RNF170: variants seen among roughly 807,000 people sequenced by gnomAD.
The protein encoded by RNF170 is E3 ubiquitin-protein ligase RNF170.
In RNF170, 12 loss-of-function variants were observed where a neutral mutation model predicts 32.7. That is an observed-to-expected ratio of 0.37 (90% CI 0.24 to 0.60). The LOEUF (loss-of-function observed/expected upper bound fraction) is 0.60, where lower values mean the gene tolerates loss of function less well. Among genes scored for constraint, RNF170 ranks in the 20% least tolerant of loss-of-function variants. RNF170 has a pLI of 0.72. For synonymous variants in RNF170, 91 were observed against 103.6 expected, an observed-to-expected ratio of 0.88 and a Z score of 0.74; for missense variants, 212 against 311.2, an observed-to-expected ratio of 0.68 and a Z score of 2.40.
upstream of RNF170, chr8:42,897,108 C>A: frequency 1.6e-6 from 2 of 1,240,894 alleles, no homozygotes; most frequent in Non-Finnish European, 2.0e-6. Flanking sequence ...AGGCGGTAGG[C>A]GCTGCCTGGC....
intron 2 of RNF170, among the ~76,000 whole-genome samples, chr8:42,884,303 C>T (rs1805638402): frequency 6.6e-6 from 1 of 151,876 alleles, no homozygotes; most frequent in African/African-American, 2.4e-5. Flanking sequence ...AGGCTGGTCT[C>T]GAACTCCTGA....
chr8:42,855,043 A>G lies in RNF170; in HGVS notation c.*1116T>C. On this transcript the variant is annotated 3_prime_UTR_variant, in exon 7 of 7. Coordinates refer to ENST00000527424, the MANE Select transcript of RNF170 (RefSeq NM_030954.4). ...GTACCTTCCTATTGGCTTGATGCTC[A>G]AAGACACGAAGATTCACCTTCCTCA... 1 of 1,287,222 alleles carries G rather than the reference A, an allele frequency of 7.8e-7. No homozygotes were observed. Among genetic ancestry groups the G allele is most frequent in the South Asian group, 1.2e-5 (1 of 80,940 alleles). 79.7% of individuals were successfully genotyped at this position (1,287,222 alleles called of 1,614,324 possible).
intron 5 of RNF170, 132 bp downstream of exon 5, chr8:42,865,284 G>T: frequency 1.8e-6 from 1 of 559,542 alleles, no homozygotes. Context: ...AATATATGGT[G>T]ACATCAAAGA....
chr8:42,873,826 A>C, intron 3 of RNF170, 105 bp downstream of exon 3: 1 of 738,170 alleles, frequency 1.4e-6, no homozygotes, highest in Non-Finnish European at 2.4e-6. Flanking sequence ...TTGAAGCTGG[A>C]AAGAAGCCCA....
At chr8:42,870,501 T>C (rs768006282) in intron 3 of RNF170, among the ~76,000 whole-genome samples, 3 of 152,048 alleles carry the variant, frequency 2.0e-5, no homozygotes, top group Non-Finnish European at 4.4e-5. Flanking sequence ...CCGAGGCAAG[T>C]GGATCACTTG....
At chr8:42,858,452 C>T (rs773112136) in intron 6 of RNF170, among the ~76,000 whole-genome samples, 1 of 152,190 alleles carries the variant, frequency 6.6e-6, no homozygotes, top group Non-Finnish European at 1.5e-5. Flanking sequence ...TTATTCAACA[C>T]ACATTAAGGC....
At chr8:42,865,941 T>C (rs1804049752) in intron 4 of RNF170, among the ~76,000 whole-genome samples, 1 of 151,924 alleles carries the variant, frequency 6.6e-6, no homozygotes, top group African/African-American at 2.4e-5. Flanking sequence ...GCTGAGATCA[T>C]GTCACTGCAC....
At chr8:42,864,781 T>C (rs1206033751) in intron 5 of RNF170, among the ~76,000 whole-genome samples, 1 of 99,436 alleles carries the variant, frequency 1.0e-5, no homozygotes, top group Non-Finnish European at 1.9e-5. Flanking sequence ...AGATTAAATA[T>C]ACATTGAGAA....
rs953789710 is a variant in RNF170 at position 42,855,900 on chromosome 8, A to G, written c.*259T>C. ...AAAGCATCCCTTTTTATATAATTCC[A>G]TATTTTTTCCAGACAACATAGAATC... On this transcript the variant is annotated 3_prime_UTR_variant, in exon 7 of 7. Coordinates refer to ENST00000527424, the MANE Select transcript of RNF170 (RefSeq NM_030954.4). 6.6e-5 allele frequency: 82 copies of G among 1,244,136 alleles called. No homozygotes were observed. The highest frequency in any genetic ancestry group is 8.2e-5 in the Non-Finnish European group (78 of 950,388). The allele number at this position is 1,244,136 out of a possible 1,614,324, so 77.1% of individuals were successfully genotyped here. A position where few individuals can be genotyped will look rare whatever the true frequency, so the allele number is the denominator to read the frequency against.
chr8:42,888,204 T>A (rs1051131912), intron 1 of RNF170, among the ~76,000 whole-genome samples: 1 of 151,934 alleles, frequency 6.6e-6, no homozygotes, highest in East Asian at 2.0e-4. Context: ...TAGCTGGGAC[T>A]ACAGGCGCGC....
At chr8:42,870,876 G>A (rs1804470851) in intron 3 of RNF170, among the ~76,000 whole-genome samples, 1 of 152,080 alleles carries the variant, frequency 6.6e-6, no homozygotes, top group Admixed American at 6.6e-5. Context: ...GAGGGCAAGG[G>A]ATTTATCTGT....
At chr8:42,881,735 G>A (rs1721475036) in intron 2 of RNF170, among the ~76,000 whole-genome samples, 1 of 152,180 alleles carries the variant, frequency 6.6e-6, no homozygotes, top group African/African-American at 2.4e-5. Context: ...TGGAATTTGA[G>A]ACCAGCCTGG....
chr8:42,897,280 G>A (rs1563284300), upstream of RNF170: 11 of 905,596 alleles, frequency 1.2e-5, no homozygotes, highest in Admixed American at 8.7e-5. Flanking sequence ...AGCGCTGCGG[G>A]CGACGGTGCC....
intron 1 of RNF170, among the ~76,000 whole-genome samples, chr8:42,891,371 T>C (rs1291780574): frequency 6.6e-6 from 1 of 152,182 alleles, no homozygotes; most frequent in Non-Finnish European, 1.5e-5. Context: ...CTAAGTCTTT[T>C]TTTTAAAAGA....
rs185218482 is a variant in RNF170 at position 42,886,905 on chromosome 8, G to A, written c.137+823C>T. Among the ~76,000 whole-genome samples the A allele has an allele frequency of 7.2e-3, 1,103 of 152,220 alleles. 9 individuals carry two copies. Among genetic ancestry groups the A allele is most frequent in the Non-Finnish European group, 0.012 (789 of 68,012 alleles). On this transcript the variant is annotated intron_variant, in intron 2 of 6. Transcript: ENST00000527424. ...ATAGTGGCTCATGAGTGTAATCCCA[G>A]CACTTTGGGAGGCTGAGTCGGGTGG... is the stretch of plus-strand genomic sequence containing the variant.
intron 6 of RNF170, among the ~76,000 whole-genome samples, chr8:42,861,000 G>A (rs1803613957): frequency 6.6e-6 from 1 of 152,140 alleles, no homozygotes; most frequent in African/African-American, 2.4e-5. Context: ...TTACAGGCGT[G>A]AGCCACCGCC....
chr8:42,877,553 C>T (rs187730715), intron 2 of RNF170, among the ~76,000 whole-genome samples: 1 of 152,230 alleles, frequency 6.6e-6, no homozygotes, highest in East Asian at 1.9e-4. Flanking sequence ...GTGCCAAGAC[C>T]ATTCAATAGG....
intron 2 of RNF170, among the ~76,000 whole-genome samples, chr8:42,877,078 C>T (rs1586528419): frequency 6.8e-6 from 1 of 146,654 alleles, no homozygotes; most frequent in South Asian, 2.2e-4. Context: ...CTCAGCCTCC[C>T]GAGTAGCCCG....
intron 5 of RNF170, 61 bp from the exon 6 acceptor site, chr8:42,861,916 T>A: frequency 6.7e-7 from 1 of 1,494,814 alleles, no homozygotes; most frequent in Non-Finnish European, 9.0e-7. Flanking sequence ...TTTTTCATTT[T>A]GTGTTATTAT....
Sources: gnomAD v4.1 joint callset for allele counts (sites outside exome capture counted in the v4.1 genomes callset) on GRCh38, gnomAD v4.1.1 for gene constraint, MANE v1.5 for transcripts, NCBI Gene and HGNC (gene_info 2026-07-23, HGNC 2026-07-21) for gene names.